Variants in MACROD2 observed in about 807,000 individuals in gnomAD.
The protein encoded by MACROD2 is ADP-ribose glycohydrolase MACROD2.
Under a neutral mutation model 70.4 loss-of-function variants are expected in MACROD2, and 36 were observed. The ratio of observed to expected loss-of-function variants is 0.51; its 90% CI spans 0.39 to 0.68. MACROD2 has a LOEUF of 0.68. Among genes scored for constraint, MACROD2 ranks in the 30% least tolerant of loss-of-function variants. The pLI is 0.00. For synonymous variants in MACROD2, 172 were observed against 178.8 expected, an observed-to-expected ratio of 0.96 and a Z score of 0.30; for missense variants, 496 against 538.4, an observed-to-expected ratio of 0.92 and a Z score of 0.78.
intron 2 of MACROD2, among the ~76,000 whole-genome samples, chr20:14,046,737 T>G (rs1007437917): frequency 2.0e-5 from 3 of 151,302 alleles, no homozygotes; most frequent in Non-Finnish European, 2.9e-5. Flanking sequence ...ATTTATTTAT[T>G]TATTTATTTA....
In MACROD2 at chr20:14,591,992, T is replaced by C. The variant is rs552775258; in HGVS notation, c.302-92851T>C. ...TGAATGTGAAGGTGACAGGAAATCATTGGGCAGAGAGGAGAAAAGAAGATA... is the reference window on the plus strand; with the variant it reads ...TGAATGTGAAGGTGACAGGAAATCACTGGGCAGAGAGGAGAAAAGAAGATA... On this transcript the variant is annotated intron_variant, in intron 4 of 17. Transcript: ENST00000684519. 4.7e-4 allele frequency among the ~76,000 whole-genome samples: 71 copies of C among 152,206 alleles called. No homozygotes were observed. The Middle Eastern group carries it at 0.017, about 36-fold the overall frequency.
intron 3 of MACROD2, among the ~76,000 whole-genome samples, chr20:14,103,257 A>C (rs958886807): frequency 1.3e-5 from 2 of 152,176 alleles, no homozygotes; most frequent in Non-Finnish European, 2.9e-5. Flanking sequence ...GAGCCCTGCT[A>C]TCCCTATTTT....
intron 3 of MACROD2, 49 bp downstream of exon 3, chr20:14,085,777 C>A: frequency 9.2e-7 from 1 of 1,090,762 alleles, no homozygotes; most frequent in East Asian, 2.9e-5. Context: ...AGTATTATTT[C>A]AAAATTTTTA....
intron 2 of MACROD2, among the ~76,000 whole-genome samples, chr20:14,078,505 C>G (rs1187025080): frequency 6.6e-6 from 1 of 152,092 alleles, no homozygotes. Flanking sequence ...CTCCCAGGTT[C>G]AAGCGATTCT....
At chr20:14,919,943 C>T (rs1490242614) in intron 5 of MACROD2, among the ~76,000 whole-genome samples, 1 of 152,200 alleles carries the variant, frequency 6.6e-6, no homozygotes, top group Non-Finnish European at 1.5e-5. Context: ...TTCTAGTCAG[C>T]TTCCAGACTT....
chr20:15,560,618 C>T (rs963364695), intron 8 of MACROD2, among the ~76,000 whole-genome samples: 1 of 151,784 alleles, frequency 6.6e-6, no homozygotes, highest in Non-Finnish European at 1.5e-5. Flanking sequence ...ACAAAATTAG[C>T]CAGTCATGGT....
intron 3 of MACROD2, among the ~76,000 whole-genome samples, chr20:14,414,947 T>C (rs6079423): frequency 0.69 from 103,172 of 149,772 alleles, 35,698 homozygotes; most frequent in South Asian, 0.82. Context: ...TTTTTTCCCA[T>C]GGTGTGCCTA....
At chr20:14,689,820 C>A (rs2071042195) in intron 5 of MACROD2, among the ~76,000 whole-genome samples, 1 of 152,112 alleles carries the variant, frequency 6.6e-6, no homozygotes, top group Non-Finnish European at 1.5e-5. Context: ...ATGCAAACTT[C>A]CCACTTTTAT....
chr20:15,381,940 G>A (rs1193995941), intron 6 of MACROD2, among the ~76,000 whole-genome samples: 4 of 152,156 alleles, frequency 2.6e-5, no homozygotes, highest in African/African-American at 9.7e-5. Context: ...AAAGAAGGTG[G>A]CATCAGTATT....
chr20:15,629,700 G>A (rs968580189), intron 8 of MACROD2, among the ~76,000 whole-genome samples: 1 of 152,136 alleles, frequency 6.6e-6, no homozygotes, highest in Non-Finnish European at 1.5e-5. Context: ...TTGAATTTTG[G>A]ATATTTTGAG....
chr20:14,582,338 A>G (rs1981085762), intron 4 of MACROD2, among the ~76,000 whole-genome samples: 1 of 152,088 alleles, frequency 6.6e-6, no homozygotes, highest in Non-Finnish European at 1.5e-5. Context: ...GAATGCTGGA[A>G]AAGAGCCCTA....
In MACROD2 at chr20:15,090,141, T is replaced by G. The variant is rs573721990; in HGVS notation, c.419-139799T>G. On this transcript the variant is annotated intron_variant, in intron 5 of 17. Transcript: ENST00000684519. ...TTATGTATAAATTCTCAAAGATATA[T>G]GTTGACCTGCTACAGCAGTAATATA... is the stretch of plus-strand genomic sequence containing the variant. Among the ~76,000 whole-genome samples, 22 of 152,166 alleles carry G rather than the reference T, an allele frequency of 1.4e-4. No individual in the cohort carries two copies. The South Asian group carries it at 4.4e-3, about 30-fold the overall frequency.
chr20:14,013,896 G>T (rs965441709), intron 2 of MACROD2, among the ~76,000 whole-genome samples: 1 of 151,788 alleles, frequency 6.6e-6, no homozygotes, highest in African/African-American at 2.4e-5. Flanking sequence ...TGGCCAGGCT[G>T]GTCTCGACCT....
chr20:15,416,675 C>T lies in MACROD2; in HGVS notation c.541-14730C>T, dbSNP rs541144572. Among the ~76,000 whole-genome samples, 276 of 152,210 alleles carry T rather than the reference C, an allele frequency of 1.8e-3. 1 individual carries two copies. The highest frequency in any genetic ancestry group is 6.8e-3 in the Middle Eastern group (2 of 294). On this transcript the variant is annotated intron_variant, in intron 6 of 17. Coordinates refer to ENST00000684519, the MANE Select transcript of MACROD2 (RefSeq NM_001351661.2). The stretch of plus-strand genomic sequence containing the variant: ...ATCCCAGCACTTTGGGAGGCCGAGG[C>T]AGTCGGATCACGAGGTCAGGAGATC...
At chr20:14,612,798 A>G (rs1177664015) in intron 4 of MACROD2, among the ~76,000 whole-genome samples, 1 of 152,164 alleles carries the variant, frequency 6.6e-6, no homozygotes, top group African/African-American at 2.4e-5. Flanking sequence ...AAATTCTAAA[A>G]GTATTATGAA....
chr20:14,586,578 T>C (rs1002998431), intron 4 of MACROD2, among the ~76,000 whole-genome samples: 3 of 152,112 alleles, frequency 2.0e-5, no homozygotes, highest in African/African-American at 7.2e-5. Flanking sequence ...TGTAGTTAAC[T>C]GATTCTGAAT....
chr20:14,168,182 G>T (rs1482874805), intron 3 of MACROD2, among the ~76,000 whole-genome samples: 1 of 152,152 alleles, frequency 6.6e-6, no homozygotes, highest in Non-Finnish European at 1.5e-5. Flanking sequence ...AGTTATACTT[G>T]TAAAATTATG....
At chr20:15,956,779 G>A (rs4814419) in intron 12 of MACROD2, among the ~76,000 whole-genome samples, 92,389 of 151,834 alleles carry the variant, frequency 0.61, 29,890 homozygotes, top group Non-Finnish European at 0.72. Flanking sequence ...GCCCTTCCAG[G>A]GATCCTACTC....
chr20:15,062,174 G>A (rs1601015649), intron 5 of MACROD2, among the ~76,000 whole-genome samples: 3 of 152,172 alleles, frequency 2.0e-5, no homozygotes. Flanking sequence ...GAGTGTGCAT[G>A]TTCTCTTAGA....
Sources: gnomAD v4.1 joint callset for allele counts (sites outside exome capture counted in the v4.1 genomes callset) on GRCh38, gnomAD v4.1.1 for gene constraint, MANE v1.5 for transcripts, NCBI Gene and HGNC (gene_info 2026-07-23, HGNC 2026-07-21) for gene names.